The following SYNE2 variants were observed in gnomAD, a reference collection of about 807,000 sequenced individuals.
SYNE2 encodes the protein spectrin repeat containing nuclear envelope protein 2, also known as nesprin-2.
SYNE2 carries 431 observed loss-of-function variants against 856.3 expected under a neutral mutation model. That is an observed-to-expected ratio of 0.50 (90% CI 0.47 to 0.55). The LOEUF (loss-of-function observed/expected upper bound fraction) is 0.55. Among genes scored for constraint, SYNE2 ranks in the 20% least tolerant of loss-of-function variants. The probability of loss-of-function intolerance (pLI) is 0.00; values close to 1 mark genes in which losing one functional copy is unlikely to be tolerated. For synonymous variants in SYNE2, 2,923 were observed against 2,872.3 expected, an observed-to-expected ratio of 1.02 and a Z score of -0.56; for missense variants, 8,129 against 8,023.2, an observed-to-expected ratio of 1.01 and a Z score of -0.50.
chr14:64,019,272 C>A (rs78996527), intron 34 of SYNE2, among the ~76,000 whole-genome samples: 187 of 143,056 alleles, frequency 1.3e-3, no homozygotes, highest in Non-Finnish European at 1.4e-3. Flanking sequence ...GACTCCGTCT[C>A]AAAAAAAAAA....
intron 1 of SYNE2, among the ~76,000 whole-genome samples, chr14:63,895,830 C>T (rs922215975): frequency 7.1e-6 from 1 of 141,430 alleles, no homozygotes; most frequent in Non-Finnish European, 1.5e-5. Flanking sequence ...AATTTCATTA[C>T]AAAATTTCAT....
At chr14:64,167,157 G>A (rs1231559948) in intron 90 of SYNE2, 76 bp from the exon 91 acceptor site, 6 of 1,593,184 alleles carry the variant, frequency 3.8e-6, no homozygotes, top group Non-Finnish European at 5.2e-6. Context: ...CTTTATCTTT[G>A]AGGTAAGGAG....
chr14:63,854,518 G>T (rs1891245671), intron 1 of SYNE2, among the ~76,000 whole-genome samples: 1 of 152,190 alleles, frequency 6.6e-6, no homozygotes, highest in Non-Finnish European at 1.5e-5. Flanking sequence ...GCTTTAGCCC[G>T]GCCAGCCCCC....
intron 101 of SYNE2, 26 bp from the exon 102 acceptor site, chr14:64,209,402 G>A: frequency 6.2e-7 from 1 of 1,614,206 alleles, no homozygotes; most frequent in Non-Finnish European, 8.5e-7. Context: ...GGGATGGCTT[G>A]TGTTAAGTTG....
Position 64,220,426 on chromosome 14 carries a change from C to T in SYNE2, c.19861-11C>T, listed in dbSNP as rs770544393. ...CAGAGCTCCTAACCTCATCTTTTCT[C>T]TCTCTGGTAGGAGATACTGAAAGCC... On this transcript the variant is annotated splice_polypyrimidine_tract_variant and intron_variant, in intron 110 of 115. Transcript: ENST00000555002. 26 of 1,613,984 alleles carry T rather than the reference C, an allele frequency of 1.6e-5. No individual in the cohort carries two copies. In the East Asian group the frequency reaches 5.6e-4, roughly 35 times the overall value.
rs747556170 is a variant in SYNE2 at position 64,052,397 on chromosome 14, A to G, written c.8484A>G (p.Gln2828=). ...LVLKSTQRSQ[Q]LEFKLEERSN... ...TAAAATCAACTCAAAGATCACAGCA[A>G]TTAGAATTTAAGTTGGAAGAAAGAA... is the stretch of plus-strand genomic sequence containing the variant. Residue 2828 remains glutamine (Q), a synonymous_variant, in exon 48 of 116, where the codon CAA becomes CAG. Transcript: ENST00000555002. 1.2e-5 allele frequency: 20 copies of G among 1,613,766 alleles called. No homozygotes were observed. Among genetic ancestry groups the G allele is most frequent in the Admixed American group, 8.3e-5 (5 of 59,934 alleles).
At chr14:64,148,096 G>C (rs2098203707) in intron 84 of SYNE2, among the ~76,000 whole-genome samples, 1 of 152,150 alleles carries the variant, frequency 6.6e-6, no homozygotes, top group Non-Finnish European at 1.5e-5. Context: ...AGAATTGCTT[G>C]AGTCCAGGAG....
chr14:64,195,946 G>A (rs981707591), intron 99 of SYNE2, among the ~76,000 whole-genome samples: 8 of 152,136 alleles, frequency 5.3e-5, no homozygotes, highest in African/African-American at 1.7e-4. Context: ...TAGAATGGGT[G>A]GCCGCTGTTC....
At position 64,038,857 on chromosome 14, in the gene SYNE2, G is replaced by GGGGAGA. The variant is rs138345804; in HGVS notation, c.7221+7526_7221+7531dup. Among the ~76,000 whole-genome samples, 191 of 151,578 alleles carry GGGGAGA rather than the reference G, an allele frequency of 1.3e-3. 3 individuals are homozygous for GGGGAGA. In the East Asian group the frequency reaches 0.014, roughly 11 times the overall value. On this transcript the variant is annotated intron_variant, in intron 45 of 115. Coordinates refer to ENST00000555002, the MANE Select transcript of SYNE2 (RefSeq NM_182914.3). ...GGAAAGAGAGGGAGAGGGAGACCGT[G>GGGGAGA]GGGAGAGGGAGAGGGAGAGGGAGAG...
chr14:63,966,179 A>G (rs530242293), intron 10 of SYNE2, among the ~76,000 whole-genome samples: 21 of 152,216 alleles, frequency 1.4e-4, no homozygotes, highest in African/African-American at 5.1e-4. Context: ...GAACAGAGCC[A>G]TACCTGTCAG....
At chr14:64,204,001 G>A (rs555963070) in intron 100 of SYNE2, among the ~76,000 whole-genome samples, 53 of 152,232 alleles carry the variant, frequency 3.5e-4, no homozygotes, top group Non-Finnish European at 6.3e-4. Context: ...GCAGGCAGGC[G>A]CCACCATGCC....
chr14:64,134,244 C>G (rs771242588), intron 78 of SYNE2, 44 bp downstream of exon 78: 4 of 1,607,422 alleles, frequency 2.5e-6, no homozygotes, highest in Non-Finnish European at 3.4e-6. Flanking sequence ...GTCCATAGCA[C>G]TTTGTGTTTT....
At chr14:64,084,724 C>T in intron 57 of SYNE2, 1 of 483,970 alleles carries the variant, frequency 2.1e-6, no homozygotes, top group Non-Finnish European at 3.7e-6. Context: ...ACATATTACT[C>T]CATAAGTTAG....
Position 64,049,850 on chromosome 14 carries a change from G to T in SYNE2, c.7617G>T (p.Leu2539Phe), listed in dbSNP as rs200359168. The change falls in exon 47 of 116, where the codon TTG becomes TTT. Residue 2539 changes from leucine to phenylalanine, a missense_variant. This residue lies in a region of SYNE2 where 5,410 missense variants were observed against 5,284.8 expected (regional missense o/e 1.02). Transcript: ENST00000555002. ...LAAVESSMKA[L>F]LTDKESLKVG... ...CAGTTGAATCTTCAATGAAAGCCTT[G>T]TTGACAGACAAGGAAAGTCTTAAAG... is the stretch of plus-strand genomic sequence containing the variant. 2.9e-5 allele frequency: 47 copies of T among 1,614,088 alleles called. No individual in the cohort carries two copies. The highest frequency in any genetic ancestry group is 1.7e-4 in the Admixed American group (10 of 59,996).
At chr14:63,887,962 A>G (rs1038626582) in intron 1 of SYNE2, among the ~76,000 whole-genome samples, 26 of 152,086 alleles carry the variant, frequency 1.7e-4, no homozygotes, top group African/African-American at 6.3e-4. Context: ...CATGTTGGCC[A>G]GGCTTGTCTT....
intron 12 of SYNE2, 73 bp downstream of exon 12, chr14:63,976,800 C>A (rs1213247370): frequency 6.6e-7 from 1 of 1,514,078 alleles, no homozygotes; most frequent in Non-Finnish European, 9.2e-7. Flanking sequence ...AAGACTTTGT[C>A]CTAAAAAGAA....
At position 64,087,829 on chromosome 14, in the gene SYNE2, C is replaced by T; in HGVS notation, c.11643C>T (p.Ser3881=). ...VTALQQKIME[S]LPQIQRMADD... ...CTTTACAACAAAAAATAATGGAAAG[C>T]CTTCCACAGATTCAGCGAATGGCTG... is the stretch of plus-strand genomic sequence containing the variant. The change falls in exon 58 of 116, where the codon AGC becomes AGT. Residue 3881 remains serine (S), a synonymous_variant. Transcript: ENST00000555002. 1 of 1,614,034 alleles carries T rather than the reference C, an allele frequency of 6.2e-7. No individual in the cohort carries two copies. Among genetic ancestry groups the T allele is most frequent in the Non-Finnish European group, 8.5e-7 (1 of 1,179,966 alleles).
chr14:63,792,848 T>A (rs538839165), intron 1 of SYNE2, among the ~76,000 whole-genome samples: 23 of 151,742 alleles, frequency 1.5e-4, no homozygotes, highest in African/African-American at 5.5e-4. Flanking sequence ...CCCAGATAAT[T>A]TTTTATTTTT....
At position 63,996,976 on chromosome 14, in the gene SYNE2, C is replaced by T. The variant is rs1323140900; in HGVS notation, c.2970C>T (p.Tyr990=). 1 of 1,614,080 alleles carries T rather than the reference C, an allele frequency of 6.2e-7. No individual in the cohort carries two copies. Among genetic ancestry groups the T allele is most frequent in the Non-Finnish European group, 8.5e-7 (1 of 1,179,998 alleles). The change falls in exon 24 of 116, where the codon TAC becomes TAT. Residue 990 remains tyrosine (Y), a synonymous_variant. Coordinates refer to ENST00000555002, the MANE Select transcript of SYNE2 (RefSeq NM_182914.3). ...GCTTTTCTGAGGAAGGCTGCCTGTA[C>T]CAGCTTAATCACCACATGGAAGTCC... is the stretch of plus-strand genomic sequence containing the variant. The part of the protein sequence containing the change: ...EACFSEEGCL[Y]QLNHHMEVLR...
Sources: gnomAD v4.1 joint callset for allele counts (sites outside exome capture counted in the v4.1 genomes callset) on GRCh38, gnomAD v4.1.1 for gene constraint, gnomAD v4.1.1 regional missense constraint, MANE v1.5 for transcripts, NCBI Gene and HGNC (gene_info 2026-07-23, HGNC 2026-07-21) for gene names.